Variants in NAV3 observed in about 807,000 individuals in gnomAD.
NAV3 encodes the protein pore membrane and/or filament interacting like protein 1.
Under a neutral mutation model 244.7 loss-of-function variants are expected in NAV3, and 87 were observed. The observed-to-expected ratio is 0.36, with a 90% confidence interval of 0.30 to 0.42. The LOEUF (loss-of-function observed/expected upper bound fraction) is 0.42. Ranked by LOEUF, NAV3 falls within the 20% of genes least tolerant of loss-of-function variation. The pLI, the probability that NAV3 is intolerant of heterozygous loss-of-function variation, is 1.00. For synonymous variants in NAV3, 1,126 were observed against 1,042.2 expected (o/e 1.08, Z -1.55); for missense variants, 2,663 against 2,893.3 (o/e 0.92, Z 1.83).
chr12:78,168,987 T>A (rs1049384640), intron 24 of NAV3, 121 bp downstream of exon 24: 17 of 588,328 alleles, frequency 2.9e-5, no homozygotes, highest in Non-Finnish European at 4.7e-5. Flanking sequence ...CTAGTTGTAT[T>A]AATAGTTGTA....
chr12:78,180,719 A>G, intron 29 of NAV3, 152 bp from the exon 30 acceptor site: 1 of 657,336 alleles, frequency 1.5e-6, no homozygotes, highest in East Asian at 2.9e-5. Context: ...CTTCTTGGGA[A>G]GGAAATCCTA....
intron 1 of NAV3, among the ~76,000 whole-genome samples, chr12:77,845,317 G>C (rs375917639): frequency 4.3e-4 from 65 of 152,270 alleles, no homozygotes; most frequent in Non-Finnish European, 7.4e-4. Context: ...GTGCAGTCTG[G>C]CACTGCCTTT....
chr12:77,933,518 C>A (rs1230946132), intron 1 of NAV3, among the ~76,000 whole-genome samples: 1 of 152,220 alleles, frequency 6.6e-6, no homozygotes, highest in Non-Finnish European at 1.5e-5. Context: ...TTAATATTCA[C>A]TTTTAAATCA....
intron 3 of NAV3, among the ~76,000 whole-genome samples, chr12:77,951,487 C>A (rs139394161): frequency 0.12 from 17,747 of 152,100 alleles, 1,134 homozygotes; most frequent in East Asian, 0.2. Flanking sequence ...TAAACTAGTT[C>A]AACAATTGTG....
rs377497367 is a variant in NAV3, at chr12:78,117,158, C to T, written c.2769+254C>T. On this transcript the variant is annotated intron_variant, in intron 13 of 39. Coordinates refer to ENST00000397909, the MANE Select transcript of NAV3 (RefSeq NM_001024383.2). ...GCCAATTTTGAATAAACAGAAGCAG[C>T]ATATATATATATATATATATATATA... 2.7e-4 allele frequency among the ~76,000 whole-genome samples: 19 copies of T among 70,330 alleles called. 1 individual carries two copies. The highest frequency in any genetic ancestry group is 2.3e-3 in the Admixed American group (11 of 4,792). The allele number at this position is 70,330 out of a possible 152,430, so 46.1% of individuals were successfully genotyped here.
At chr12:77,898,514 G>C (rs1731746) in intron 1 of NAV3, among the ~76,000 whole-genome samples, 2 of 152,062 alleles carry the variant, frequency 1.3e-5, no homozygotes, top group Non-Finnish European at 2.9e-5. Flanking sequence ...AAAAGTGTTC[G>C]TATTCATTCA....
intron 2 of NAV3, among the ~76,000 whole-genome samples, chr12:77,714,131 T>G (rs978843152): frequency 1.3e-5 from 2 of 152,092 alleles, no homozygotes; most frequent in African/African-American, 4.8e-5. Flanking sequence ...TGTAAATAAA[T>G]TAATGTTATA....
At chr12:77,973,558 C>T (rs901674298) in intron 5 of NAV3, among the ~76,000 whole-genome samples, 1 of 152,134 alleles carries the variant, frequency 6.6e-6, no homozygotes, top group Admixed American at 6.6e-5. Context: ...TGTTCCCTTG[C>T]AGCCCCTTTC....
chr12:78,155,115 C>T (rs1957249820), intron 22 of NAV3, among the ~76,000 whole-genome samples: 3 of 151,986 alleles, frequency 2.0e-5, no homozygotes, highest in Admixed American at 2.0e-4. Flanking sequence ...CACAGATCAA[C>T]TCATCGCCTA....
In NAV3 at chr12:77,766,745, T is replaced by G. The variant is rs1475101814; in HGVS notation, c.73-173574T>G. Among the ~76,000 whole-genome samples, 57 of 26,504 alleles carry G rather than the reference T, an allele frequency of 2.2e-3. 2 individuals are homozygous for G. Among genetic ancestry groups the G allele is most frequent in the South Asian group, 3.8e-3 (3 of 780 alleles). The allele number at this position is 26,504 out of a possible 152,430, so 17.4% of individuals were successfully genotyped here. On this transcript the variant is annotated intron_variant, in intron 2 of 8. Coordinates refer to the NAV3 transcript ENST00000550042. ...AAAACAGGCAATTAAGTTTTTTTTT[T>G]TTTTTTTTTTTTTTTTTTTTTTTTT...
At chr12:78,177,524 G>T in intron 27 of NAV3, 96 bp from the exon 28 acceptor site, 2 of 1,236,374 alleles carry the variant, frequency 1.6e-6, no homozygotes, top group East Asian at 2.4e-5. Flanking sequence ...GAATTCAAGT[G>T]TTTCTTGATC....
intron 12 of NAV3, among the ~76,000 whole-genome samples, chr12:78,072,908 G>T (rs1411892280): frequency 3.1e-4 from 41 of 134,028 alleles, no homozygotes; most frequent in African/African-American, 1.1e-3. Context: ...ATGTAATCCA[G>T]CATATAAACA....
chr12:78,152,235 T>C (rs1957106282), intron 22 of NAV3, among the ~76,000 whole-genome samples: 1 of 150,272 alleles, frequency 6.7e-6, no homozygotes, highest in Non-Finnish European at 1.5e-5. Context: ...AATGAAGATA[T>C]GCATTAACAT....
chr12:77,596,749 G>T (rs983353264), intron 2 of NAV3, among the ~76,000 whole-genome samples: 6 of 152,250 alleles, frequency 3.9e-5, no homozygotes, highest in African/African-American at 1.2e-4. Context: ...CATAGAGGAA[G>T]TAGTCATTAA....
rs201018231 is a variant in NAV3, at chr12:77,940,304, C to G, written c.244-15C>G. On this transcript the variant is annotated splice_polypyrimidine_tract_variant and intron_variant, in intron 1 of 39. Coordinates refer to ENST00000397909, the MANE Select transcript of NAV3 (RefSeq NM_001024383.2). ...CCTCACCCCATCTCACTTTTTCCTTCTCTCTGTTCAACAGATTTACACTGA... is the reference window on the plus strand; with the variant it reads ...CCTCACCCCATCTCACTTTTTCCTTGTCTCTGTTCAACAGATTTACACTGA... The G allele has an allele frequency of 1.9e-6, 3 of 1,594,316 alleles. No individual in the cohort carries two copies. The highest frequency in any genetic ancestry group is 2.6e-6 in the Non-Finnish European group (3 of 1,168,162).
intron 39 of NAV3, among the ~76,000 whole-genome samples, chr12:78,205,702 T>C (rs1237068972): frequency 6.6e-6 from 1 of 151,978 alleles, no homozygotes; most frequent in Non-Finnish European, 1.5e-5. Flanking sequence ...GTATGAATAT[T>C]CTGAAAATTT....
chr12:77,827,256 A>C (rs1300439559), upstream of NAV3, among the ~76,000 whole-genome samples: 1 of 151,306 alleles, frequency 6.6e-6, no homozygotes, highest in East Asian at 1.9e-4. Context: ...AAAAAAAAAA[A>C]AAAAAGTAAT....
Position 78,199,368 on chromosome 12 carries a change from G to A in NAV3, c.6552G>A (p.Val2184=). ...WVLCANHTEP[V]KGFLGRYLRR... ...TATGTGCAAATCATACAGAACCAGT[G>A]AAAGGCTTTTTAGGCAGATATCTTC... The change falls in exon 37 of 40, where the codon GTG becomes GTA. Residue 2184 remains valine, a synonymous_variant. Transcript: ENST00000397909. 1.2e-6 allele frequency: 2 copies of A among 1,609,922 alleles called. No individual in the cohort carries two copies. Among genetic ancestry groups the A allele is most frequent in the South Asian group, 1.1e-5 (1 of 90,384 alleles).
At chr12:78,100,042 GGTCA>G (rs1292530092) in intron 12 of NAV3, among the ~76,000 whole-genome samples, 4 of 151,866 alleles carry the variant, frequency 2.6e-5, no homozygotes, top group Admixed American at 2.6e-4. Flanking sequence ...CAAATAAAAA[GGTCA>G]GTGTATAAAG....
Sources: allele counts gnomAD v4.1 joint callset (sites outside exome capture counted in the v4.1 genomes callset), GRCh38; gene constraint gnomAD v4.1.1; transcripts MANE v1.5; gene names NCBI Gene and HGNC (gene_info 2026-07-23, HGNC 2026-07-21).